Variants in DISC1 observed in about 807,000 individuals in gnomAD.
DISC1 encodes the protein DISC1 scaffold protein, also known as disrupted in schizophrenia 1 protein.
Under a neutral mutation model 84.5 loss-of-function variants are expected in DISC1, and 57 were observed. That is an observed-to-expected ratio of 0.67 (90% CI 0.55 to 0.84). The LOEUF (loss-of-function observed/expected upper bound fraction) is 0.84, where lower values mean the gene tolerates loss of function less well. Ranked by LOEUF, DISC1 falls within the 40% of genes least tolerant of loss-of-function variation. The pLI is 0.00. For missense variants in DISC1, 1,000 were observed against 1,057.8 expected (o/e 0.95, Z 0.76); for synonymous variants, 411 against 415.2 (o/e 0.99, Z 0.12).
At chr1:231,820,402 A>T (rs1320153792) in intron 9 of DISC1, among the ~76,000 whole-genome samples, 1 of 152,182 alleles carries the variant, frequency 6.6e-6, no homozygotes, top group African/African-American at 2.4e-5. Flanking sequence ...TACAAAGGAG[A>T]GTGTACTTAT....
chr1:231,771,357 C>G (rs2812386), intron 6 of DISC1: 1 of 985,384 alleles, frequency 1.0e-6, no homozygotes, highest in South Asian at 4.7e-5. Flanking sequence ...CACCCTCTCT[C>G]CCTTTGAGAA....
intron 8 of DISC1, among the ~76,000 whole-genome samples, chr1:231,810,304 C>T (rs1461713893): frequency 6.6e-6 from 1 of 152,182 alleles, no homozygotes; most frequent in Non-Finnish European, 1.5e-5. Context: ...CAGGAGAGGC[C>T]ACCTGACATA....
At chr1:231,668,053 CA>C (rs111268435) in intron 1 of DISC1, among the ~76,000 whole-genome samples, 5,833 of 94,462 alleles carry the variant, frequency 0.062, 300 homozygotes, top group African/African-American at 0.19. Context: ...AAGACTCTGT[CA>C]AAAAAAAAAA....
At chr1:231,689,940 A>T (rs1000836796) in intron 1 of DISC1, among the ~76,000 whole-genome samples, 2 of 152,172 alleles carry the variant, frequency 1.3e-5, no homozygotes, top group African/African-American at 4.8e-5. Context: ...AAGGGAGCTG[A>T]TGGGGGAGGG....
chr1:231,651,968 G>A (rs945430226), intron 1 of DISC1, among the ~76,000 whole-genome samples: 4 of 152,214 alleles, frequency 2.6e-5, no homozygotes, highest in African/African-American at 9.7e-5. Context: ...GGGTGAGAGT[G>A]TCCTAATTTT....
chr1:231,869,915 TC>T (rs2085336721), intron 9 of DISC1, among the ~76,000 whole-genome samples: 2 of 152,186 alleles, frequency 1.3e-5, no homozygotes, highest in African/African-American at 4.8e-5. Context: ...ATTCTTACTA[TC>T]CTTTAGACCT....
At chr1:231,809,162 G>A (rs1383330575) in intron 8 of DISC1, among the ~76,000 whole-genome samples, 4 of 152,192 alleles carry the variant, frequency 2.6e-5, no homozygotes, top group Non-Finnish European at 5.9e-5. Flanking sequence ...TTTATCTCTC[G>A]CCACTGGCTT....
At chr1:231,812,213 G>T (rs1251263769) in intron 8 of DISC1, among the ~76,000 whole-genome samples, 1 of 152,056 alleles carries the variant, frequency 6.6e-6, no homozygotes, top group Non-Finnish European at 1.5e-5. Flanking sequence ...ATACCACCAT[G>T]CCTGGCTAAT....
In DISC1 at chr1:232,040,410, G is replaced by C. The variant is rs1407345181; in HGVS notation, c.*3579G>C. The C allele has an allele frequency of 6.6e-6, 1 of 152,142 alleles. No homozygotes were observed. The highest frequency in any genetic ancestry group is 1.5e-5 in the Non-Finnish European group (1 of 68,048). The allele number at this position is 152,142 out of a possible 1,614,324, so 9.4% of individuals were successfully genotyped here. A position where few individuals can be genotyped will look rare whatever the true frequency, so the allele number is the denominator to read the frequency against. ...CCCACCCCAGAAACATGTAACGGTT[G>C]GTACCATGCTAAGCCCTTGCCATGC... is the stretch of plus-strand genomic sequence containing the variant. On this transcript the variant is annotated 3_prime_UTR_variant, in exon 13 of 13. Transcript: ENST00000439617.
intron 6 of DISC1, among the ~76,000 whole-genome samples, chr1:231,791,634 C>T (rs9431997): frequency 1.3e-5 from 2 of 152,012 alleles, no homozygotes; most frequent in Admixed American, 6.6e-5. Context: ...AAAATGTGTT[C>T]GCTAATTTGT....
At chr1:231,629,051 C>G (rs1056570224) in intron 1 of DISC1, among the ~76,000 whole-genome samples, 1 of 152,298 alleles carries the variant, frequency 6.6e-6, no homozygotes, top group South Asian at 2.1e-4. Flanking sequence ...TCCTGCATAT[C>G]TATAGACCCA....
chr1:231,979,045 T>C (rs1471314096), intron 10 of DISC1, among the ~76,000 whole-genome samples: 3 of 152,252 alleles, frequency 2.0e-5, no homozygotes, highest in African/African-American at 7.2e-5. Context: ...AGATCAGTGG[T>C]GGCATTATAT....
intron 9 of DISC1, among the ~76,000 whole-genome samples, chr1:231,885,529 C>T (rs1368915471): frequency 2.0e-5 from 3 of 152,154 alleles, no homozygotes; most frequent in Non-Finnish European, 2.9e-5. Context: ...GCAACCCAGC[C>T]GGGCAATGAA....
intron 9 of DISC1, among the ~76,000 whole-genome samples, chr1:231,941,397 C>T (rs2091331474): frequency 1.3e-5 from 2 of 151,882 alleles, no homozygotes; most frequent in African/African-American, 4.8e-5. Flanking sequence ...GCCAGCAAAG[C>T]GAGGTAGGAG....
At chr1:231,999,836 A>ACAACAACAG (rs1666434486) in intron 10 of DISC1, among the ~76,000 whole-genome samples, 2 of 152,030 alleles carry the variant, frequency 1.3e-5, no homozygotes, top group Non-Finnish European at 2.9e-5. Flanking sequence ...AACAACAACA[A>ACAACAACAG]CAACAACAAC....
chr1:231,811,361 T>C (rs1373503402), intron 8 of DISC1, among the ~76,000 whole-genome samples: 3 of 152,184 alleles, frequency 2.0e-5, no homozygotes, highest in Non-Finnish European at 4.4e-5. Context: ...GCAGATATCC[T>C]TGACCTCGCC....
intron 3 of DISC1, among the ~76,000 whole-genome samples, chr1:231,706,501 C>T (rs534291385): frequency 4.6e-5 from 7 of 152,266 alleles, no homozygotes; most frequent in African/African-American, 1.4e-4. Context: ...CTTCCACTTC[C>T]GATGTGAGCA....
At chr1:231,664,350 T>C (rs1185731121) in intron 1 of DISC1, among the ~76,000 whole-genome samples, 5 of 152,256 alleles carry the variant, frequency 3.3e-5, no homozygotes, top group African/African-American at 1.2e-4. Flanking sequence ...TCCCCCCATA[T>C]CTAATGATAG....
chr1:231,993,922 G>A (rs1021771518), intron 10 of DISC1, among the ~76,000 whole-genome samples: 18 of 152,178 alleles, frequency 1.2e-4, no homozygotes, highest in African/African-American at 4.1e-4. Flanking sequence ...AGTGATACAG[G>A]AAAATAAATT....
Sources: allele counts gnomAD v4.1 joint callset (sites outside exome capture counted in the v4.1 genomes callset), GRCh38; gene constraint gnomAD v4.1.1; transcripts MANE v1.5; gene names NCBI Gene and HGNC (gene_info 2026-07-23, HGNC 2026-07-21).